SUDS3: variants seen among roughly 807,000 people sequenced by gnomAD.
SUDS3 encodes SIN3A corepressor complex component SDS3.
In SUDS3, 23 loss-of-function variants were observed where a neutral mutation model predicts 53.5. The ratio of observed to expected loss-of-function variants is 0.43; its 90% CI spans 0.31 to 0.61. The LOEUF (loss-of-function observed/expected upper bound fraction) is 0.61. SUDS3 is among the 20% of genes least tolerant of loss of function. The probability of loss-of-function intolerance (pLI) is 0.10; values close to 1 mark genes in which losing one functional copy is unlikely to be tolerated. For missense variants in SUDS3, 291 were observed against 405.9 expected (o/e 0.72, Z 2.43); for synonymous variants, 150 against 148.5 (o/e 1.01, Z -0.08).
chr12:118,409,267 C>T (rs1246293495), intron 10 of SUDS3, among the ~76,000 whole-genome samples: 1 of 152,004 alleles, frequency 6.6e-6, no homozygotes, highest in African/African-American at 2.4e-5. Context: ...CTGCCTCAGC[C>T]TCCCGAGTAG....
At chr12:118,384,874 A>G (rs1566197640) in intron 3 of SUDS3, among the ~76,000 whole-genome samples, 1 of 150,992 alleles carries the variant, frequency 6.6e-6, no homozygotes, top group Non-Finnish European at 1.5e-5. Context: ...TTTGTGAGGG[A>G]TTGGAATCCC....
At chr12:118,376,886 G>T in intron 1 of SUDS3, 53 bp downstream of exon 1, 1 of 1,459,004 alleles carries the variant, frequency 6.9e-7, no homozygotes, top group Non-Finnish European at 9.0e-7. Flanking sequence ...ACCGCTGGGG[G>T]AGGGGGTGGG....
Position 118,417,226 on chromosome 12 carries a change from T to G in SUDS3, c.*2793T>G, listed in dbSNP as rs2046408722. The G allele has an allele frequency of 6.6e-6, 1 of 152,170 alleles. No homozygotes were observed. The highest frequency in any genetic ancestry group is 1.5e-5 in the Non-Finnish European group (1 of 68,034). The allele number at this position is 152,170 out of a possible 1,614,324, so 9.4% of individuals were successfully genotyped here. A position where few individuals can be genotyped will look rare whatever the true frequency, so the allele number is the denominator to read the frequency against. On this transcript the variant is annotated 3_prime_UTR_variant, in exon 12 of 12. Transcript: ENST00000543473. The stretch of plus-strand genomic sequence containing the variant: ...CCTAACTTAATTTTTGTTTTTGAAC[T>G]TCTAATTGGGGCCAGTGTAAGGTCG...
At chr12:118,393,764 A>G (rs1250846301) in intron 6 of SUDS3, among the ~76,000 whole-genome samples, 1 of 151,422 alleles carries the variant, frequency 6.6e-6, no homozygotes, top group Non-Finnish European at 1.5e-5. Context: ...TCCACCTCCC[A>G]TGTTCAAGTG....
chr12:118,411,315 A>G (rs1182917771), intron 11 of SUDS3, among the ~76,000 whole-genome samples, 158 bp downstream of exon 11: 1 of 152,178 alleles, frequency 6.6e-6, no homozygotes, highest in Non-Finnish European at 1.5e-5. Flanking sequence ...GCACATTGTC[A>G]AAATCATCCT....
intron 6 of SUDS3, among the ~76,000 whole-genome samples, chr12:118,391,942 C>T (rs1351783427): frequency 1.3e-5 from 2 of 152,194 alleles, no homozygotes; most frequent in African/African-American, 4.8e-5. Context: ...TTCTAACCTT[C>T]TAGAATTTAG....
rs2046415507 is a variant in SUDS3, at chr12:118,417,881, G to C, written c.*3448G>C. On this transcript the variant is annotated 3_prime_UTR_variant, in exon 12 of 12. Transcript: ENST00000543473. ...AAGACTAAGATACAGAATGATGTCA[G>C]GCTAATACTCAGTTTTGTAAAGAGC... The C allele has an allele frequency of 6.6e-6, 1 of 152,138 alleles. No individual in the cohort carries two copies. Among genetic ancestry groups the C allele is most frequent in the Admixed American group, 6.5e-5 (1 of 15,278 alleles). The allele number at this position is 152,138 out of a possible 1,614,324, so 9.4% of individuals were successfully genotyped here.
At chr12:118,410,658 G>A (rs920941681) in intron 10 of SUDS3, among the ~76,000 whole-genome samples, 2 of 151,458 alleles carry the variant, frequency 1.3e-5, no homozygotes, top group African/African-American at 2.4e-5. Flanking sequence ...GTGCAGTGGC[G>A]CCATCTCGGC....
At chr12:118,382,189 G>A (rs139292239) in intron 2 of SUDS3, among the ~76,000 whole-genome samples, 140 of 151,992 alleles carry the variant, frequency 9.2e-4, no homozygotes, top group African/African-American at 3.2e-3. Flanking sequence ...ACAGGCATGC[G>A]CCACTACGCC....
chr12:118,388,088 C>G (rs2046131081), intron 4 of SUDS3, among the ~76,000 whole-genome samples: 1 of 152,212 alleles, frequency 6.6e-6, no homozygotes, highest in African/African-American at 2.4e-5. Context: ...GTCTGGCCCA[C>G]TTGTGCATGG....
At chr12:118,413,115 G>A (rs1180587446) in intron 11 of SUDS3, among the ~76,000 whole-genome samples, 1 of 152,066 alleles carries the variant, frequency 6.6e-6, no homozygotes, top group Non-Finnish European at 1.5e-5. Flanking sequence ...CTTCATGTGA[G>A]GTCTTTAACT....
rs1199625384 is a variant in SUDS3, at chr12:118,400,708, A to G, written c.567A>G (p.Pro189=). Residue 189 remains proline (P), a synonymous_variant, in exon 7 of 12, where the codon CCA becomes CCG. Coordinates refer to ENST00000543473, the MANE Select transcript of SUDS3 (RefSeq NM_022491.3). ...TGACCAGAAAGTTGCGGAGGCGACC[A>G]AATGATCCCGTCCCCATCCCAGACA... is the stretch of plus-strand genomic sequence containing the variant. The part of the protein sequence containing the change: ...PIMTRKLRRR[P]NDPVPIPDKR... 1.2e-6 allele frequency: 2 copies of G among 1,614,034 alleles called. No homozygotes were observed. Among genetic ancestry groups the G allele is most frequent in the Non-Finnish European group, 1.7e-6 (2 of 1,179,892 alleles).
chr12:118,388,535 A>G (rs995753414), intron 4 of SUDS3, among the ~76,000 whole-genome samples: 1 of 152,068 alleles, frequency 6.6e-6, no homozygotes, highest in Non-Finnish European at 1.5e-5. Flanking sequence ...TGGTGAGGGG[A>G]GCTGCTAGGT....
chr12:118,401,758 C>T lies in SUDS3; in HGVS notation c.614-1C>T. On this transcript the variant is annotated splice_acceptor_variant, in intron 7 of 11. Transcript: ENST00000543473. LOFTEE classifies it high-confidence loss of function. ...ACATACAGTCCTTTAACTCTCAACA[C>T]CCCAGCTAAACTATTTGTTAACAGA... 1.2e-6 allele frequency: 2 copies of T among 1,613,344 alleles called. No individual in the cohort carries two copies. Among genetic ancestry groups the T allele is most frequent in the Non-Finnish European group, 1.7e-6 (2 of 1,179,368 alleles).
chr12:118,410,848 C>T (rs556735753), intron 10 of SUDS3, among the ~76,000 whole-genome samples: 2 of 152,028 alleles, frequency 1.3e-5, no homozygotes, highest in African/African-American at 2.4e-5. Context: ...CCGCCTGCCT[C>T]GGCCTCCCAA....
At chr12:118,409,378 CT>C (rs964427382) in intron 10 of SUDS3, among the ~76,000 whole-genome samples, 4 of 152,190 alleles carry the variant, frequency 2.6e-5, no homozygotes, top group African/African-American at 9.7e-5. Flanking sequence ...ATCTCCTGAC[CT>C]TGTGATCTGC....
rs531402455 is a variant in SUDS3, at chr12:118,389,463, G to A, written c.341-464G>A. Among the ~76,000 whole-genome samples, 10 of 151,880 alleles carry A rather than the reference G, an allele frequency of 6.6e-5. No homozygotes were observed. In the East Asian group the frequency reaches 7.8e-4, roughly 12 times the overall value. ...CAGGGGAGTTTGGTTCCTGCTGCAC[G>A]TTTTTTGCCCTCAGGCAGAACTGCC... On this transcript the variant is annotated intron_variant, in intron 4 of 11. Transcript: ENST00000543473.
At chr12:118,397,277 T>G (rs182067609) in intron 6 of SUDS3, among the ~76,000 whole-genome samples, 1 of 152,166 alleles carries the variant, frequency 6.6e-6, no homozygotes, top group Admixed American at 6.5e-5. Flanking sequence ...AAGTTTGATT[T>G]TTGTCAGTGT....
At chr12:118,386,242 C>A in intron 4 of SUDS3, 57 bp downstream of exon 4, 2 of 1,392,494 alleles carry the variant, frequency 1.4e-6, no homozygotes, top group Non-Finnish European at 2.0e-6. Flanking sequence ...ATTTGCCGAT[C>A]GTCGGTGTAA....
Sources: allele counts gnomAD v4.1 joint callset (sites outside exome capture counted in the v4.1 genomes callset), GRCh38; gene constraint gnomAD v4.1.1; transcripts MANE v1.5; gene names NCBI Gene and HGNC (gene_info 2026-07-23, HGNC 2026-07-21).